Variants in GLIS3 observed in about 807,000 individuals in gnomAD.
The protein encoded by GLIS3 is zinc finger protein GLIS3.
Under a neutral mutation model 78.6 loss-of-function variants are expected in GLIS3, and 53 were observed. The observed-to-expected ratio is 0.67, with a 90% CI of 0.54 to 0.85. The LOEUF is 0.85. Ranked by LOEUF, GLIS3 falls within the 40% of genes least tolerant of loss-of-function variation. The pLI, the probability that GLIS3 is intolerant of heterozygous loss-of-function variation, is 0.00. For synonymous variants in GLIS3, 684 were observed against 509.9 expected, an observed-to-expected ratio of 1.34 and a Z score of -4.60; for missense variants, 1,703 against 1,231.1, an observed-to-expected ratio of 1.38 and a Z score of -5.74.
chr9:3,920,531 C>T (rs1824813718), intron 6 of GLIS3, among the ~76,000 whole-genome samples: 1 of 151,474 alleles, frequency 6.6e-6, no homozygotes, highest in Non-Finnish European at 1.5e-5. Flanking sequence ...TGATTTAGGG[C>T]TCCCTATGTG....
At position 4,282,521 on chromosome 9, in the gene GLIS3, T is replaced by C. The variant is rs1827651782; in HGVS notation, c.388+3517A>G. Among the ~76,000 whole-genome samples, 4 of 152,128 alleles carry C rather than the reference T, an allele frequency of 2.6e-5. No homozygotes were observed. In the South Asian group the frequency reaches 6.2e-4, roughly 24 times the overall value. On this transcript the variant is annotated intron_variant, in intron 2 of 10. Transcript: ENST00000381971. ...CTGGGACACTGGCTTTTTCCTTGCC[T>C]TTAACTTCAAACTGAAACATCAGCT...
At chr9:3,855,797 G>C (rs113844788) in intron 9 of GLIS3, 10 of 588,546 alleles carry the variant, frequency 1.7e-5, no homozygotes, top group Non-Finnish European at 3.1e-5. Flanking sequence ...TGACCAGTGC[G>C]ATGTGTCATA....
chr9:4,150,012 C>T (rs889788971), intron 2 of GLIS3, among the ~76,000 whole-genome samples: 1 of 152,008 alleles, frequency 6.6e-6, no homozygotes, highest in Non-Finnish European at 1.5e-5. Context: ...AATATAAGAA[C>T]ATAATGCACG....
Position 4,115,285 on chromosome 9 carries a change from AC to A in GLIS3, c.1710+2482del, listed in dbSNP as rs202154016. ...AAATGGCCCGGCTCTTATCATTTAGACTGCTCCTAGCCCTGCAGTGTATGAC... is the reference window on the plus strand; with the variant it reads ...AAATGGCCCGGCTCTTATCATTTAGATGCTCCTAGCCCTGCAGTGTATGAC... On this transcript the variant is annotated intron_variant, in intron 4 of 10. Transcript: ENST00000381971. Among the ~76,000 whole-genome samples, 1,098 of 152,244 alleles carry A rather than the reference AC, an allele frequency of 7.2e-3. 8 individuals carry two copies. Among genetic ancestry groups the A allele is most frequent in the Middle Eastern group, 0.017 (5 of 294 alleles).
intron 2 of GLIS3, among the ~76,000 whole-genome samples, chr9:4,234,621 T>G (rs1177358422): frequency 6.6e-6 from 1 of 152,184 alleles, no homozygotes; most frequent in African/African-American, 2.4e-5. Flanking sequence ...ATTATCAAAA[T>G]GTGACACAGA....
intron 2 of GLIS3, among the ~76,000 whole-genome samples, chr9:4,275,058 G>A (rs1043294144): frequency 2.6e-5 from 4 of 152,168 alleles, no homozygotes; most frequent in African/African-American, 9.7e-5. Flanking sequence ...AATGTGACAA[G>A]TCAGAAGTAG....
rs535182029 is a variant in GLIS3, at chr9:4,275,603, T to TAA, written c.388+10433_388+10434dup. On this transcript the variant is annotated intron_variant, in intron 2 of 10. Coordinates refer to ENST00000381971, the MANE Select transcript of GLIS3 (RefSeq NM_001042413.2). ...AACAAGATCCCATCTCTACAAAAAT[T>TAA]AAAAAAAAAAAAAGCCAGGTGTGGT... Among the ~76,000 whole-genome samples, 50 of 139,438 alleles carry TAA rather than the reference T, an allele frequency of 3.6e-4. 2 individuals are homozygous for TAA. The highest frequency in any genetic ancestry group is 1.9e-3 in the South Asian group (8 of 4,266). The allele number at this position is 139,438 out of a possible 152,430, so 91.5% of individuals were successfully genotyped here.
chr9:4,215,766 A>G (rs1320999466), intron 2 of GLIS3, among the ~76,000 whole-genome samples: 1 of 152,198 alleles, frequency 6.6e-6, no homozygotes, highest in Non-Finnish European at 1.5e-5. Context: ...TTGTGGTACT[A>G]CAAAGTCATG....
At chr9:4,420,364 C>T in the GLIS3 span, among the ~76,000 whole-genome samples, 1 of 152,260 alleles carries the variant, frequency 6.6e-6, no homozygotes, top group East Asian at 1.9e-4. Flanking sequence ...TTATCTGAGA[C>T]CATGTATATC....
chr9:3,845,993 C>A (rs1368959566), intron 9 of GLIS3, among the ~76,000 whole-genome samples: 4 of 152,176 alleles, frequency 2.6e-5, no homozygotes, highest in African/African-American at 7.2e-5. Flanking sequence ...ACAATGCCTT[C>A]TTTATAGTGT....
At chr9:4,472,373 A>G in the GLIS3 span, among the ~76,000 whole-genome samples, 2 of 152,224 alleles carry the variant, frequency 1.3e-5, no homozygotes, top group Non-Finnish European at 2.9e-5. Context: ...TCCATCAATG[A>G]TAGACTGAAT....
At chr9:4,300,731 C>G (rs961157262), upstream of GLIS3, among the ~76,000 whole-genome samples, 1 of 151,740 alleles carries the variant, frequency 6.6e-6, no homozygotes, top group African/African-American at 2.4e-5. Context: ...GACTCGCCAC[C>G]GCTTCTGCTT....
At chr9:4,206,628 G>A (rs1306712192) in intron 2 of GLIS3, among the ~76,000 whole-genome samples, 1 of 152,196 alleles carries the variant, frequency 6.6e-6, no homozygotes, top group Non-Finnish European at 1.5e-5. Context: ...TGCTGAACTG[G>A]AAGAACTCTA....
At chr9:4,020,609 G>A (rs566152613) in intron 4 of GLIS3, among the ~76,000 whole-genome samples, 1 of 152,342 alleles carries the variant, frequency 6.6e-6, no homozygotes, top group South Asian at 2.1e-4. Context: ...CATGGATTCT[G>A]TCATCAGGCT....
At chr9:4,009,497 C>A (rs1414338645) in intron 4 of GLIS3, among the ~76,000 whole-genome samples, 4 of 152,136 alleles carry the variant, frequency 2.6e-5, no homozygotes, top group Non-Finnish European at 4.4e-5. Flanking sequence ...AACTTCCCAC[C>A]AGAGAGCAGA....
chr9:3,885,682 T>A (rs1822029048), intron 7 of GLIS3, among the ~76,000 whole-genome samples: 1 of 152,200 alleles, frequency 6.6e-6, no homozygotes, highest in African/African-American at 2.4e-5. Context: ...AGAAGCCCCA[T>A]GTGAATGGTG....
At chr9:4,282,195 G>A (rs1304716050) in intron 2 of GLIS3, among the ~76,000 whole-genome samples, 2 of 152,130 alleles carry the variant, frequency 1.3e-5, no homozygotes, top group Admixed American at 1.3e-4. Context: ...CTTAGAAAAT[G>A]CATTTTCTTA....
chr9:3,923,580 G>A (rs1168920932), intron 6 of GLIS3, among the ~76,000 whole-genome samples: 3 of 21,360 alleles, frequency 1.4e-4, no homozygotes, highest in African/African-American at 5.1e-4. Context: ...GTTTCAGAAA[G>A]GTGTTTTTTT....
intron 4 of GLIS3, among the ~76,000 whole-genome samples, chr9:4,007,734 T>C (rs1821668815): frequency 6.6e-6 from 1 of 152,012 alleles, no homozygotes; most frequent in South Asian, 2.1e-4. Context: ...CACACACAAA[T>C]GTAATTACAA....
Sources: allele counts gnomAD v4.1 joint callset (sites outside exome capture counted in the v4.1 genomes callset), GRCh38; gene constraint gnomAD v4.1.1; transcripts MANE v1.5; gene names NCBI Gene and HGNC (gene_info 2026-07-23, HGNC 2026-07-21).